The following CDKAL1 variants were observed in gnomAD, a reference collection of about 807,000 sequenced individuals.
CDKAL1 encodes the protein threonylcarbamoyladenosine tRNA methylthiotransferase.
A neutral mutation model predicts 68.2 loss-of-function variants in CDKAL1; 32 were observed. The ratio of observed to expected loss-of-function variants is 0.47; its 90% CI spans 0.35 to 0.63. The LOEUF (loss-of-function observed/expected upper bound fraction) is 0.63, where lower values mean the gene tolerates loss of function less well. CDKAL1 is among the 30% of genes least tolerant of loss of function. The pLI, the probability that CDKAL1 is intolerant of heterozygous loss-of-function variation, is 0.00. For synonymous variants in CDKAL1, 234 were observed against 244.3 expected (o/e 0.96, Z 0.39); for missense variants, 606 against 696.7 (o/e 0.87, Z 1.47).
intron 5 of CDKAL1, among the ~76,000 whole-genome samples, chr6:20,719,813 A>G (rs1441112595): frequency 6.6e-6 from 1 of 152,156 alleles, no homozygotes; most frequent in African/African-American, 2.4e-5. Context: ...CTCTACCTCA[A>G]CAAGTAACCA....
intron 9 of CDKAL1, among the ~76,000 whole-genome samples, chr6:20,867,966 G>A (rs929169931): frequency 6.6e-6 from 1 of 152,158 alleles, no homozygotes; most frequent in African/African-American, 2.4e-5. Flanking sequence ...CTATATGGAT[G>A]TATAGAGGGG....
intron 13 of CDKAL1, among the ~76,000 whole-genome samples, chr6:21,138,799 G>T (rs2446486): frequency 0.87 from 132,471 of 152,212 alleles, 57,943 homozygotes; most frequent in East Asian, 1. Context: ...AAGCATGGAT[G>T]AGCTCAGTCA....
chr6:20,883,319 G>T (rs1406950630), intron 9 of CDKAL1, among the ~76,000 whole-genome samples: 1 of 152,112 alleles, frequency 6.6e-6, no homozygotes, highest in African/African-American at 2.4e-5. Flanking sequence ...GTTGACAAGT[G>T]TAACTAGTTC....
At chr6:21,087,950 A>G (rs1267433591) in intron 12 of CDKAL1, among the ~76,000 whole-genome samples, 2 of 152,068 alleles carry the variant, frequency 1.3e-5, no homozygotes, top group East Asian at 1.9e-4. Context: ...CTGGCTGAAT[A>G]TGGGGTTTTT....
In CDKAL1 at chr6:21,232,240, C is replaced by T. The variant is rs1426751508; in HGVS notation, c.*1201C>T. On this transcript the variant is annotated 3_prime_UTR_variant, in exon 16 of 16. Coordinates refer to ENST00000274695, the MANE Select transcript of CDKAL1 (RefSeq NM_017774.3). ...CAGGCTTGCCTGGAACTCCTAGCCT[C>T]AAGCAGTCTTCTTGCCTCAGCCTCC... 1 of 152,274 alleles carries T rather than the reference C, an allele frequency of 6.6e-6. No individual in the cohort carries two copies. Among genetic ancestry groups the T allele is most frequent in the Non-Finnish European group, 1.5e-5 (1 of 68,126 alleles). The allele number at this position is 152,274 out of a possible 1,614,324, so 9.4% of individuals were successfully genotyped here.
intron 9 of CDKAL1, among the ~76,000 whole-genome samples, chr6:20,945,101 T>C (rs975852780): frequency 8.4e-5 from 10 of 118,750 alleles, no homozygotes; most frequent in African/African-American, 3.0e-4. Context: ...CACACAACCT[T>C]TTTACTTAAG....
intron 13 of CDKAL1, among the ~76,000 whole-genome samples, chr6:21,151,889 T>A (rs1776425818): frequency 6.6e-6 from 1 of 152,118 alleles, no homozygotes; most frequent in Non-Finnish European, 1.5e-5. Context: ...ACTTTCTAGC[T>A]CTCCCTGGCG....
At chr6:20,756,234 G>A (rs1372250619) in intron 6 of CDKAL1, 5 of 152,106 alleles carry the variant, frequency 3.3e-5, no homozygotes, top group South Asian at 2.1e-4. Context: ...TTACTTGTAC[G>A]AACCTAAACC....
chr6:21,055,074 T>A (rs189615397), intron 11 of CDKAL1, among the ~76,000 whole-genome samples: 2 of 152,314 alleles, frequency 1.3e-5, no homozygotes, highest in African/African-American at 4.8e-5. Context: ...TGAATGGGTG[T>A]TTGATTTGTC....
Position 20,659,606 on chromosome 6 carries a change from T to C in CDKAL1, c.371+10229T>C, listed in dbSNP as rs554969219. Reference sequence around the variant, plus strand: ...GTCATCTCCTTCCACTGTTTGGATATTGTCTGTATGCTGATTTCTCCCAAA... The same window carrying C: ...GTCATCTCCTTCCACTGTTTGGATACTGTCTGTATGCTGATTTCTCCCAAA... On this transcript the variant is annotated intron_variant, in intron 5 of 15. Coordinates refer to ENST00000274695, the MANE Select transcript of CDKAL1 (RefSeq NM_017774.3). Among the ~76,000 whole-genome samples the C allele has an allele frequency of 2.6e-5, 4 of 152,320 alleles. No individual in the cohort carries two copies. The East Asian group carries it at 7.7e-4, about 29-fold the overall frequency.
chr6:20,682,452 C>T (rs1329295991), intron 5 of CDKAL1, among the ~76,000 whole-genome samples: 1 of 152,024 alleles, frequency 6.6e-6, no homozygotes, highest in African/African-American at 2.4e-5. Context: ...GCTGGAGAGG[C>T]CTTAGGAAAC....
Position 21,120,543 on chromosome 6 carries a change from A to G in CDKAL1, c.1299+12080A>G, listed in dbSNP as rs139917401. 8.5e-3 allele frequency among the ~76,000 whole-genome samples: 1,289 copies of G among 152,308 alleles called. 15 individuals carry two copies. The highest frequency in any genetic ancestry group is 0.027 in the African/African-American group (1,103 of 41,578). ...AATTCTCCCTTTGTAACCTTATCCTAGAGACCCCTGTTTTCTTCTCCAGAG... is the reference window on the plus strand; with the variant it reads ...AATTCTCCCTTTGTAACCTTATCCTGGAGACCCCTGTTTTCTTCTCCAGAG... On this transcript the variant is annotated intron_variant, in intron 13 of 15. Coordinates refer to ENST00000274695, the MANE Select transcript of CDKAL1 (RefSeq NM_017774.3).
chr6:21,200,600 G>A (rs745767308), intron 14 of CDKAL1, among the ~76,000 whole-genome samples: 13 of 152,134 alleles, frequency 8.5e-5, no homozygotes, highest in Non-Finnish European at 5.9e-5. Context: ...GTATTGTCTC[G>A]GTTTTCCTCA....
intron 4 of CDKAL1, among the ~76,000 whole-genome samples, chr6:20,552,485 T>A (rs545906654): frequency 6.6e-6 from 1 of 152,164 alleles, no homozygotes; most frequent in Non-Finnish European, 1.5e-5. Flanking sequence ...CTTGTAACAG[T>A]ACTTGTCTGT....
intron 5 of CDKAL1, among the ~76,000 whole-genome samples, chr6:20,660,003 C>T (rs919070827): frequency 6.6e-6 from 1 of 152,088 alleles, no homozygotes; most frequent in African/African-American, 2.4e-5. Flanking sequence ...CTTCCTTGGA[C>T]TGTCTTCTCT....
chr6:20,661,764 A>G (rs1430761916), intron 5 of CDKAL1, among the ~76,000 whole-genome samples: 1 of 152,220 alleles, frequency 6.6e-6, no homozygotes, highest in Non-Finnish European at 1.5e-5. Context: ...TGCATATTTT[A>G]TGATTAATGT....
intron 12 of CDKAL1, among the ~76,000 whole-genome samples, chr6:21,098,280 G>A (rs1773412719): frequency 6.6e-6 from 1 of 152,206 alleles, no homozygotes; most frequent in East Asian, 1.9e-4. Context: ...TGACCAAGTA[G>A]TGCTGAGGTG....
intron 8 of CDKAL1, among the ~76,000 whole-genome samples, chr6:20,789,997 T>G (rs554709882): frequency 2.6e-5 from 4 of 152,238 alleles, no homozygotes; most frequent in Non-Finnish European, 5.9e-5. Flanking sequence ...CACTTTGTTA[T>G]GTTGCCCAGG....
chr6:21,122,864 C>CA (rs1282205637), intron 13 of CDKAL1, among the ~76,000 whole-genome samples: 1 of 142,250 alleles, frequency 7.0e-6, no homozygotes, highest in African/African-American at 2.6e-5. Flanking sequence ...AGGCTGGTCT[C>CA]AAACTACTGG....
Sources: gnomAD v4.1 joint callset for allele counts (sites outside exome capture counted in the v4.1 genomes callset) on GRCh38, gnomAD v4.1.1 for gene constraint, MANE v1.5 for transcripts, NCBI Gene and HGNC (gene_info 2026-07-23, HGNC 2026-07-21) for gene names.